Variants in MEP1B observed in about 807,000 individuals in gnomAD.
MEP1B encodes the protein meprin A subunit beta, also known as N-benzoyl-L-tyrosyl-P-amino-benzoic acid hydrolase subunit beta.
In MEP1B, 80 loss-of-function variants were observed where a neutral mutation model predicts 84.6. That is an observed-to-expected ratio of 0.95 (90% CI 0.79 to 1.14). The LOEUF is 1.14. MEP1B is among the 50% of genes most tolerant of loss of function. The pLI is 0.00. For missense variants in MEP1B, 766 were observed against 855.1 expected (o/e 0.90, Z 1.30); for synonymous variants, 273 against 288.1 (o/e 0.95, Z 0.53).
chr18:32,192,848 C>A, intron 4 of MEP1B, 31 bp downstream of exon 4: 1 of 1,577,020 alleles, frequency 6.3e-7, no homozygotes, highest in Non-Finnish European at 8.7e-7. Flanking sequence ...GAAGAATCTT[C>A]CATTAACCAC....
At chr18:32,199,687 C>A (rs2040891820) in intron 5 of MEP1B, among the ~76,000 whole-genome samples, 1 of 150,020 alleles carries the variant, frequency 6.7e-6, no homozygotes, top group African/African-American at 2.5e-5. Flanking sequence ...TTCCTTCCTT[C>A]CTTCCTTCCT....
Position 32,208,171 on chromosome 18 carries a change from T to C in MEP1B, c.819T>C (p.Cys273=), listed in dbSNP as rs750542961. ...GCAGTTTTGAACTGGAAAATGTGTG[T>C]GGCATGATCCAAAGTTCAGGAGATA... ...DSCSFELENV[C]GMIQSSGDNA... is the part of the protein sequence containing the mutation. Residue 273 remains cysteine, a synonymous_variant, in exon 9 of 15, where the codon TGT becomes TGC. Coordinates refer to ENST00000269202, the MANE Select transcript of MEP1B (RefSeq NM_005925.3). 1 of 1,613,988 alleles carries C rather than the reference T, an allele frequency of 6.2e-7. No homozygotes were observed. The highest frequency in any genetic ancestry group is 1.7e-5 in the Admixed American group (1 of 60,030).
chr18:32,195,556 G>A (rs1405321158), intron 5 of MEP1B, 71 bp downstream of exon 5: 2 of 1,058,858 alleles, frequency 1.9e-6, no homozygotes, highest in African/African-American at 3.2e-5. Flanking sequence ...GTGTTTCAAA[G>A]GGTGGGCTTA....
chr18:32,215,788 C>A (rs2041079705), intron 12 of MEP1B, among the ~76,000 whole-genome samples: 1 of 152,058 alleles, frequency 6.6e-6, no homozygotes, highest in Non-Finnish European at 1.5e-5. Flanking sequence ...CGTGCCACTG[C>A]ACTCCAGCCT....
chr18:32,202,852 T>C (rs1257175577), intron 5 of MEP1B, 41 bp from the exon 6 acceptor site: 1 of 1,301,680 alleles, frequency 7.7e-7, no homozygotes, highest in Non-Finnish European at 1.1e-6. Context: ...TCAGTGGTGA[T>C]TGTTTTAATA....
In MEP1B at chr18:32,196,627, C is replaced by T. The variant is rs1297642496; in HGVS notation, c.250+1142C>T. ...TCGTACTCCATCACCCTGTGCAGCA[C>T]CCGCCTGATGTTGTCCAGCACGCCA... is the stretch of plus-strand genomic sequence containing the variant. On this transcript the variant is annotated intron_variant, in intron 5 of 14. Transcript: ENST00000269202. The surrounding 1 kb of genome is among the most constrained non-coding windows in gnomAD (Gnocchi z 4.4). 4.2e-6 allele frequency: 3 copies of T among 718,108 alleles called. No homozygotes were observed. Among genetic ancestry groups the T allele is most frequent in the Middle Eastern group, 2.5e-4 (1 of 4,006 alleles). 44.5% of individuals were successfully genotyped at this position (718,108 alleles called of 1,614,324 possible). A position where few individuals can be genotyped will look rare whatever the true frequency, so the allele number is the denominator to read the frequency against.
In MEP1B at chr18:32,190,040, T is replaced by C; in HGVS notation, c.-31T>C. 6.3e-7 allele frequency: 1 copy of C among 1,584,106 alleles called. No homozygotes were observed. The highest frequency in any genetic ancestry group is 1.3e-5 in the African/African-American group (1 of 74,442). Reference sequence around the variant, plus strand: ...GAAGTCAATTCAACCCTGAATGTCATAGTTAGCTACTTTCAACTGGAAGCT... The same window carrying C: ...GAAGTCAATTCAACCCTGAATGTCACAGTTAGCTACTTTCAACTGGAAGCT... On this transcript the variant is annotated 5_prime_UTR_variant, in exon 1 of 15. Coordinates refer to ENST00000269202, the MANE Select transcript of MEP1B (RefSeq NM_005925.3).
chr18:32,216,320 G>A (rs1054175157), intron 12 of MEP1B, among the ~76,000 whole-genome samples: 1 of 152,172 alleles, frequency 6.6e-6, no homozygotes, highest in Non-Finnish European at 1.5e-5. Context: ...AATATTTTAT[G>A]TAGCAGAGAA....
chr18:32,200,048 A>T (rs1410203537), intron 5 of MEP1B, among the ~76,000 whole-genome samples: 1 of 151,950 alleles, frequency 6.6e-6, no homozygotes, highest in African/African-American at 2.4e-5. Flanking sequence ...CCATGTATTT[A>T]ACCATGAGCT....
chr18:32,205,848 C>T (rs1237410771), intron 7 of MEP1B, among the ~76,000 whole-genome samples: 1 of 152,168 alleles, frequency 6.6e-6, no homozygotes, highest in Non-Finnish European at 1.5e-5. Context: ...CATGTGTACA[C>T]AACGTGGAAT....
chr18:32,219,019 A>G (rs1295163803), intron 14 of MEP1B, among the ~76,000 whole-genome samples: 1 of 152,192 alleles, frequency 6.6e-6, no homozygotes, highest in Non-Finnish European at 1.5e-5. Flanking sequence ...AAGCCCTAAA[A>G]TTCTTCCATT....
intron 4 of MEP1B, among the ~76,000 whole-genome samples, chr18:32,193,231 G>C (rs1486821572): frequency 6.6e-6 from 1 of 151,968 alleles, no homozygotes; most frequent in Non-Finnish European, 1.5e-5. Context: ...CTTCTACCCT[G>C]GCCTTAGCTA....
intron 9 of MEP1B, among the ~76,000 whole-genome samples, chr18:32,209,925 T>G: frequency 6.6e-6 from 1 of 152,176 alleles, no homozygotes; most frequent in East Asian, 1.9e-4. Context: ...CACGTTGAAT[T>G]ACCCTTGGGA....
In MEP1B at chr18:32,215,230, AGAT is replaced by A; in HGVS notation, c.1733_1735del (p.Asp578del). 1 of 1,609,370 alleles carries A rather than the reference AGAT, an allele frequency of 6.2e-7. No homozygotes were observed. Among genetic ancestry groups the A allele is most frequent in the South Asian group, 1.1e-5 (1 of 90,230 alleles). Reference sequence around the variant, plus strand: ...TGAAAAGCAGAGATTTTATAAAAGGAGATGATGTTTATATCCTACTGACAGTGG... The same window carrying A: ...TGAAAAGCAGAGATTTTATAAAAGGAGATGTTTATATCCTACTGACAGTGG... On this transcript the variant is annotated inframe_deletion, in exon 12 of 15. Transcript: ENST00000269202.
chr18:32,220,366 C>A lies in MEP1B; in HGVS notation c.*121C>A, dbSNP rs1221476514. Reference sequence around the variant, plus strand: ...AAAGTGGATATTTTTCTGTAAATAGCTGGAAATATTATAAATCACTATTTT... The same window carrying A: ...AAAGTGGATATTTTTCTGTAAATAGATGGAAATATTATAAATCACTATTTT... On this transcript the variant is annotated 3_prime_UTR_variant, in exon 15 of 15. Coordinates refer to ENST00000269202, the MANE Select transcript of MEP1B (RefSeq NM_005925.3). The A allele has an allele frequency of 2.2e-6, 2 of 908,706 alleles. No individual in the cohort carries two copies. The highest frequency in any genetic ancestry group is 2.5e-5 in the Admixed American group (1 of 40,376). The allele number at this position is 908,706 out of a possible 1,614,324, so 56.3% of individuals were successfully genotyped here. A position where few individuals can be genotyped will look rare whatever the true frequency, so the allele number is the denominator to read the frequency against.
intron 5 of MEP1B, among the ~76,000 whole-genome samples, chr18:32,200,987 A>G (rs1183725180): frequency 6.6e-6 from 1 of 152,206 alleles, no homozygotes. Context: ...AGCTTTCTGC[A>G]TCTATAACGC....
intron 5 of MEP1B, among the ~76,000 whole-genome samples, chr18:32,197,592 G>A (rs1396209538): frequency 2.0e-5 from 3 of 151,848 alleles, no homozygotes; most frequent in Non-Finnish European, 4.4e-5. Context: ...GCTAATTTTT[G>A]TATTTTTAGT....
intron 4 of MEP1B, among the ~76,000 whole-genome samples, chr18:32,193,778 C>T (rs1232394777): frequency 1.3e-5 from 2 of 152,160 alleles, no homozygotes; most frequent in Admixed American, 1.3e-4. Context: ...CCCCAGGAAA[C>T]AGAGCTGCAG....
chr18:32,217,264 T>C (rs574472714), intron 13 of MEP1B, 147 bp downstream of exon 13: 16 of 868,552 alleles, frequency 1.8e-5, no homozygotes, highest in Non-Finnish European at 2.7e-5. Flanking sequence ...TTTATTCTCC[T>C]TTTGGGGCTT....
Sources: allele counts gnomAD v4.1 joint callset (sites outside exome capture counted in the v4.1 genomes callset), GRCh38; gene constraint gnomAD v4.1.1; non-coding constraint Gnocchi (gnomAD v3.1); transcripts MANE v1.5; gene names NCBI Gene and HGNC (gene_info 2026-07-23, HGNC 2026-07-21).